The following RNF13 variants were observed in gnomAD, a reference collection of about 807,000 sequenced individuals.
The protein encoded by RNF13 is E3 ubiquitin-protein ligase RNF13.
RNF13 carries 19 observed loss-of-function variants against 37.7 expected under a neutral mutation model. That is an observed-to-expected ratio of 0.50 (90% CI 0.35 to 0.74). The LOEUF (loss-of-function observed/expected upper bound fraction) is 0.74, where lower values mean the gene tolerates loss of function less well. RNF13 is among the 30% of genes least tolerant of loss of function. RNF13 has a pLI of 0.01. For synonymous variants in RNF13, 144 were observed against 157.8 expected, an observed-to-expected ratio of 0.91 and a Z score of 0.65; for missense variants, 375 against 453.0, an observed-to-expected ratio of 0.83 and a Z score of 1.56.
chr3:149,907,270 A>G (rs1716517063), intron 6 of RNF13, among the ~76,000 whole-genome samples: 1 of 152,220 alleles, frequency 6.6e-6, no homozygotes, highest in South Asian at 2.1e-4. Flanking sequence ...ATTGGTAATA[A>G]CTTTAACACC....
chr3:149,849,773 AG>A (rs1168112355), intron 2 of RNF13, among the ~76,000 whole-genome samples: 1 of 152,210 alleles, frequency 6.6e-6, no homozygotes, highest in Non-Finnish European at 1.5e-5. Flanking sequence ...TTACCTGTAA[AG>A]TGCTTAGCAT....
chr3:149,899,380 C>T (rs1052426489), intron 5 of RNF13, among the ~76,000 whole-genome samples: 3 of 152,032 alleles, frequency 2.0e-5, no homozygotes, highest in South Asian at 4.1e-4. Flanking sequence ...ACCTGGGAGG[C>T]GGAGGGTGCA....
At chr3:149,862,415 C>T (rs1012953326) in intron 3 of RNF13, among the ~76,000 whole-genome samples, 1 of 151,982 alleles carries the variant, frequency 6.6e-6, no homozygotes, top group Non-Finnish European at 1.5e-5. Context: ...CCTTACCTCG[C>T]TCCTTATAGA....
At chr3:149,928,045 A>C (rs961028849) in intron 8 of RNF13, among the ~76,000 whole-genome samples, 2 of 150,460 alleles carry the variant, frequency 1.3e-5, no homozygotes, top group Non-Finnish European at 3.0e-5. Context: ...AAATTAAAGA[A>C]GACCTCAATA....
chr3:149,923,931 G>A (rs1718400982), intron 8 of RNF13, among the ~76,000 whole-genome samples: 1 of 152,126 alleles, frequency 6.6e-6, no homozygotes. Context: ...GGATCCTTCT[G>A]CTGACATTAA....
chr3:149,826,089 C>G lies in RNF13; in HGVS notation c.-17+12736C>G, dbSNP rs144855524. On this transcript the variant is annotated intron_variant, in intron 1 of 9. Transcript: ENST00000392894. Reference sequence around the variant, plus strand: ...TACACAATTGGTGTCTGGAGTGGCTCCAGCAGATAGATCTGAAATTCTGAG... The same window carrying G: ...TACACAATTGGTGTCTGGAGTGGCTGCAGCAGATAGATCTGAAATTCTGAG... Among the ~76,000 whole-genome samples, 538 of 152,246 alleles carry G rather than the reference C, an allele frequency of 3.5e-3. 2 individuals carry two copies. The highest frequency in any genetic ancestry group is 5.8e-3 in the Non-Finnish European group (392 of 68,006).
At chr3:149,947,590 G>A (rs1162892728) in intron 8 of RNF13, among the ~76,000 whole-genome samples, 2 of 151,878 alleles carry the variant, frequency 1.3e-5, no homozygotes, top group African/African-American at 4.8e-5. Flanking sequence ...ATTTTTAGTT[G>A]AGATGAGGTT....
At chr3:149,937,012 T>A (rs969277693) in intron 8 of RNF13, among the ~76,000 whole-genome samples, 8 of 151,758 alleles carry the variant, frequency 5.3e-5, no homozygotes, top group Non-Finnish European at 8.8e-5. Flanking sequence ...CTGGCTGGGG[T>A]TGGTGGGGAA....
chr3:149,830,924 G>A (rs1478682738), intron 1 of RNF13, among the ~76,000 whole-genome samples: 4 of 152,192 alleles, frequency 2.6e-5, no homozygotes, highest in Non-Finnish European at 5.9e-5. Flanking sequence ...TGGCTAAAAG[G>A]GACCAAGGTA....
At chr3:149,864,764 A>G (rs1033100331) in intron 3 of RNF13, among the ~76,000 whole-genome samples, 6 of 152,220 alleles carry the variant, frequency 3.9e-5, no homozygotes, top group Non-Finnish European at 8.8e-5. Context: ...ACTAAATTTG[A>G]TAAAGACAAA....
chr3:149,945,450 T>C (rs1720674809), intron 8 of RNF13, among the ~76,000 whole-genome samples: 1 of 152,288 alleles, frequency 6.6e-6, no homozygotes, highest in South Asian at 2.1e-4. Flanking sequence ...CCACCACAGC[T>C]CAAGGAGGCC....
At chr3:149,849,783 A>G (rs1722965485) in intron 2 of RNF13, among the ~76,000 whole-genome samples, 1 of 152,250 alleles carries the variant, frequency 6.6e-6, no homozygotes, top group Admixed American at 6.5e-5. Flanking sequence ...AGTGCTTAGC[A>G]TGATGTCTGT....
intron 8 of RNF13, among the ~76,000 whole-genome samples, chr3:149,931,355 A>T (rs941661059): frequency 5.9e-5 from 9 of 151,738 alleles, no homozygotes; most frequent in Admixed American, 3.9e-4. Flanking sequence ...GAGCCACCAC[A>T]CCCAGCCTGA....
intron 1 of RNF13, among the ~76,000 whole-genome samples, chr3:149,819,335 T>A (rs2108309846): frequency 6.6e-6 from 1 of 152,344 alleles, no homozygotes; most frequent in Admixed American, 6.5e-5. Context: ...TGTAATTTTT[T>A]AAAATAGAGC....
At chr3:149,833,118 CTTTTT>C (rs34729566) in intron 1 of RNF13, among the ~76,000 whole-genome samples, 4 of 111,904 alleles carry the variant, frequency 3.6e-5, no homozygotes, top group African/African-American at 1.0e-4. Flanking sequence ...CTCTCTCTCT[CTTTTT>C]TTTTTTTTTT....
In RNF13 at chr3:149,960,873, G is replaced by A. The variant is rs1430076272; in HGVS notation, c.915G>A (p.Val305=). The A allele has an allele frequency of 6.2e-7, 1 of 1,614,038 alleles. No homozygotes were observed. The highest frequency in any genetic ancestry group is 1.3e-5 in the African/African-American group (1 of 74,910). Residue 305 remains valine, a synonymous_variant, in exon 10 of 10, where the codon GTG becomes GTA. Coordinates refer to ENST00000392894, the MANE Select transcript of RNF13 (RefSeq NM_183381.3). ...DTDSSQEENE[V]TEHTPLLRPL... ...ACAGTAGTCAAGAAGAAAATGAAGT[G>A]ACAGAACATACCCCTTTACTGAGAC... is the stretch of plus-strand genomic sequence containing the variant.
intron 4 of RNF13, among the ~76,000 whole-genome samples, chr3:149,884,221 A>G (rs1015250647): frequency 2.6e-5 from 4 of 151,944 alleles, no homozygotes; most frequent in Non-Finnish European, 5.9e-5. Context: ...AAGACCTTTT[A>G]ATTTTGTTGT....
chr3:149,819,992 T>C (rs1291056994), intron 1 of RNF13, among the ~76,000 whole-genome samples: 2 of 152,072 alleles, frequency 1.3e-5, no homozygotes, highest in Non-Finnish European at 2.9e-5. Flanking sequence ...TTATTAAATA[T>C]TAATAATTAT....
chr3:149,931,885 T>C (rs1042652701), intron 8 of RNF13, among the ~76,000 whole-genome samples: 2 of 152,188 alleles, frequency 1.3e-5, no homozygotes, highest in Non-Finnish European at 2.9e-5. Flanking sequence ...GTTTGCTCTC[T>C]ACCTCCATGA....
Sources: allele counts gnomAD v4.1 joint callset (sites outside exome capture counted in the v4.1 genomes callset), GRCh38; gene constraint gnomAD v4.1.1; transcripts MANE v1.5; gene names NCBI Gene and HGNC (gene_info 2026-07-23, HGNC 2026-07-21).